The following ABCG2 variants were observed in gnomAD, a reference collection of about 807,000 sequenced individuals.
ABCG2 encodes the protein broad substrate specificity ATP-binding cassette transporter ABCG2.
ABCG2 carries 80 observed loss-of-function variants against 73.5 expected under a neutral mutation model. The observed-to-expected ratio is 1.09, with a 90% CI of 0.91 to 1.31. The LOEUF is 1.31. ABCG2 is among the 50% of genes most tolerant of loss of function. The pLI, the probability that ABCG2 is intolerant of heterozygous loss-of-function variation, is 0.00. For synonymous variants in ABCG2, 269 were observed against 282.4 expected (o/e 0.95, Z 0.48); for missense variants, 796 against 786.2 (o/e 1.01, Z -0.15).
At chr4:88,143,131 A>G (rs1725752340) in intron 1 of ABCG2, among the ~76,000 whole-genome samples, 1 of 152,170 alleles carries the variant, frequency 6.6e-6, no homozygotes, top group Non-Finnish European at 1.5e-5. Context: ...CAATGCGTGT[A>G]CATTATATGC....
intron 10 of ABCG2, among the ~76,000 whole-genome samples, chr4:88,104,664 GA>G (rs34090520): frequency 1.1e-4 from 17 of 150,132 alleles, no homozygotes; most frequent in African/African-American, 4.0e-4. Flanking sequence ...AGCTTTGGGG[GA>G]AAAAAAAAAG....
intron 1 of ABCG2, among the ~76,000 whole-genome samples, chr4:88,192,040 C>T (rs1410547976): frequency 2.6e-5 from 4 of 151,942 alleles, no homozygotes; most frequent in South Asian, 2.1e-4. Context: ...GGCATGGTGG[C>T]GCATGCCTGT....
upstream of ABCG2, among the ~76,000 whole-genome samples, chr4:88,163,345 A>C (rs898976793): frequency 6.6e-6 from 1 of 152,232 alleles, no homozygotes; most frequent in African/African-American, 2.4e-5. Flanking sequence ...AGAGAAAGGA[A>C]TATAGCTAGA....
Position 88,107,166 on chromosome 4 carries a change from A to T in ABCG2, c.1277+18T>A. On this transcript the variant is annotated intron_variant, in intron 10 of 15. Coordinates refer to ENST00000237612, the MANE Select transcript of ABCG2 (RefSeq NM_004827.3). ...AAGTAACAGCATTTTCTGAAAATCAAGATCCAAATTTACTTACCTGTTCTG... is the reference window on the plus strand; with the variant it reads ...AAGTAACAGCATTTTCTGAAAATCATGATCCAAATTTACTTACCTGTTCTG... 1 of 1,572,458 alleles carries T rather than the reference A, an allele frequency of 6.4e-7. No homozygotes were observed. Among genetic ancestry groups the T allele is most frequent in the Non-Finnish European group, 8.7e-7 (1 of 1,151,796 alleles).
At chr4:88,097,379 T>C in intron 13 of ABCG2, 74 bp downstream of exon 13, 1 of 1,554,712 alleles carries the variant, frequency 6.4e-7, no homozygotes. Context: ...AGGTTTTACA[T>C]GACAAGTGAA....
intron 8 of ABCG2, 118 bp downstream of exon 8, chr4:88,114,839 G>T (rs999485256): frequency 3.3e-6 from 2 of 613,908 alleles, no homozygotes; most frequent in Non-Finnish European, 5.8e-6. Flanking sequence ...GTGTTGACTG[G>T]TATCAGAAGA....
chr4:88,181,858 G>T (rs1473187291), intron 1 of ABCG2, among the ~76,000 whole-genome samples: 2 of 151,750 alleles, frequency 1.3e-5, no homozygotes, highest in African/African-American at 4.8e-5. Flanking sequence ...AAGAAAGGAA[G>T]GAAGATAAGA....
chr4:88,209,640 G>A (rs1387015290), intron 1 of ABCG2, among the ~76,000 whole-genome samples: 1 of 151,808 alleles, frequency 6.6e-6, no homozygotes, highest in Admixed American at 6.6e-5. Context: ...CTGGCTGGGT[G>A]AGAGCAAGAC....
chr4:88,132,567 T>C lies in ABCG2; in HGVS notation c.263+9A>G, dbSNP rs1419654903. 1 of 1,613,990 alleles carries C rather than the reference T, an allele frequency of 6.2e-7. No homozygotes were observed. On this transcript the variant is annotated intron_variant, in intron 3 of 15. Transcript: ENST00000237612. ...CAGAAAACGCTTACTTATACTCTCT[T>C]ATACTCACGAAGATTTGCCTCCACC... is the stretch of plus-strand genomic sequence containing the variant.
intron 1 of ABCG2, among the ~76,000 whole-genome samples, chr4:88,165,145 A>T (rs1727465076): frequency 6.6e-6 from 1 of 152,180 alleles, no homozygotes. Context: ...TTTCTCTCTG[A>T]AGTTGATGGA....
intron 8 of ABCG2, among the ~76,000 whole-genome samples, chr4:88,113,996 G>C (rs1443665118): frequency 6.6e-6 from 1 of 151,258 alleles, no homozygotes; most frequent in Non-Finnish European, 1.5e-5. Context: ...AAAATTATTA[G>C]CTCTGTCATT....
intron 1 of ABCG2, among the ~76,000 whole-genome samples, chr4:88,150,899 C>T (rs1447328387): frequency 1.3e-5 from 2 of 152,152 alleles, no homozygotes; most frequent in African/African-American, 4.8e-5. Flanking sequence ...TATGAGAGCT[C>T]CCTGAAACCT....
intron 5 of ABCG2, 42 bp from the exon 6 acceptor site, chr4:88,121,834 C>T (rs1724017059): frequency 6.3e-7 from 1 of 1,587,952 alleles, no homozygotes; most frequent in Non-Finnish European, 8.6e-7. Context: ...AACAACCAGT[C>T]ATTATCATTT....
At chr4:88,139,747 T>C (rs554553636) in intron 2 of ABCG2, 46 bp downstream of exon 2, 12 of 1,553,048 alleles carry the variant, frequency 7.7e-6, no homozygotes, top group African/African-American at 6.8e-5. Context: ...TGAGGTTCAC[T>C]GTAGGTAAAT....
chr4:88,181,342 G>A (rs942723903), intron 1 of ABCG2, among the ~76,000 whole-genome samples: 1 of 145,868 alleles, frequency 6.9e-6, no homozygotes, highest in Non-Finnish European at 1.5e-5. Context: ...AGAGGTTGCA[G>A]TGAGCCAAGA....
intron 1 of ABCG2, among the ~76,000 whole-genome samples, chr4:88,145,773 C>T (rs1012047869): frequency 6.6e-6 from 1 of 152,086 alleles, no homozygotes. Flanking sequence ...AACCCCGTCT[C>T]TACTAAAAAT....
intron 1 of ABCG2, among the ~76,000 whole-genome samples, chr4:88,186,565 C>G (rs1728461323): frequency 1.3e-5 from 2 of 152,112 alleles, no homozygotes; most frequent in Non-Finnish European, 2.9e-5. Flanking sequence ...CACTTGAGAT[C>G]AGGAGTTTGA....
intron 1 of ABCG2, among the ~76,000 whole-genome samples, chr4:88,183,857 AT>A (rs934497210): frequency 1.3e-5 from 2 of 152,158 alleles, no homozygotes; most frequent in African/African-American, 4.8e-5. Flanking sequence ...TGAAAACATC[AT>A]TTATCATGAC....
chr4:88,196,136 G>A lies in ABCG2; in HGVS notation c.-20+34858C>T, dbSNP rs568651248. 1.1e-3 allele frequency among the ~76,000 whole-genome samples: 164 copies of A among 152,190 alleles called. 1 individual carries two copies. The highest frequency in any genetic ancestry group is 3.2e-4 in the Non-Finnish European group (22 of 68,004). On this transcript the variant is annotated intron_variant, in intron 1 of 15. Transcript: ENST00000515655. ...GCCTGACATTCCTGGGTTGGGGGTC[G>A]GGGACACTCCTGCCCCGCACATTTC...
Sources: gnomAD v4.1 joint callset for allele counts (sites outside exome capture counted in the v4.1 genomes callset) on GRCh38, gnomAD v4.1.1 for gene constraint, MANE v1.5 for transcripts, NCBI Gene and HGNC (gene_info 2026-07-23, HGNC 2026-07-21) for gene names.